The following KANSL3 variants were observed in gnomAD, a reference collection of about 807,000 sequenced individuals.
The protein encoded by KANSL3 is KAT8 regulatory NSL complex subunit 3.
Under a neutral mutation model 89.2 loss-of-function variants are expected in KANSL3, and 16 were observed. The ratio of observed to expected loss-of-function variants is 0.18; its 90% CI spans 0.12 to 0.27. The LOEUF is 0.27. Ranked by LOEUF, KANSL3 falls within the 10% of genes least tolerant of loss-of-function variation. The pLI, the probability that KANSL3 is intolerant of heterozygous loss-of-function variation, is 1.00. For missense variants in KANSL3, 879 were observed against 1,110.6 expected (o/e 0.79, Z 2.96); for synonymous variants, 385 against 419.7 (o/e 0.92, Z 1.01).
downstream of KANSL3, among the ~76,000 whole-genome samples, chr2:96,589,752 A>G (rs2066260744): frequency 6.6e-6 from 1 of 152,156 alleles, no homozygotes; most frequent in Non-Finnish European, 1.5e-5. Flanking sequence ...TTAAGCACCC[A>G]CAGAATACAT....
rs188281375 is a variant in KANSL3, at chr2:96,622,949, G to C, written c.387-3187C>G. Among the ~76,000 whole-genome samples, 4 of 152,232 alleles carry C rather than the reference G, an allele frequency of 2.6e-5. No homozygotes were observed. The East Asian group carries it at 7.7e-4, about 29-fold the overall frequency. On this transcript the variant is annotated intron_variant, in intron 3 of 20. Coordinates refer to ENST00000431828, the MANE Select transcript of KANSL3 (RefSeq NM_001115016.3). ...CTCTGACCTATCCCTATTTAACACT[G>C]TAACCCTCCAGTCTTACCCTAGGAT...
chr2:96,581,221 C>G, the KANSL3 span, among the ~76,000 whole-genome samples: 1 of 152,182 alleles, frequency 6.6e-6, no homozygotes, highest in Non-Finnish European at 1.5e-5. Flanking sequence ...GTAAGGAGCT[C>G]GAGACCAGCC....
chr2:96,617,575 T>C (rs1230045344), intron 5 of KANSL3, among the ~76,000 whole-genome samples: 1 of 137,490 alleles, frequency 7.3e-6, no homozygotes, highest in Non-Finnish European at 1.6e-5. Flanking sequence ...AAAAAAAAAG[T>C]GTCAAAAACT....
At chr2:96,584,688 G>A in the KANSL3 span, among the ~76,000 whole-genome samples, 2 of 152,190 alleles carry the variant, frequency 1.3e-5, no homozygotes, top group Admixed American at 6.5e-5. Context: ...CCATGTTGCT[G>A]CAAATGACAG....
chr2:96,588,639 G>A (rs1410692900), downstream of KANSL3, among the ~76,000 whole-genome samples: 4 of 152,114 alleles, frequency 2.6e-5, no homozygotes, highest in Admixed American at 2.6e-4. Flanking sequence ...CACCCAGGCT[G>A]AAGTACAGTG....
At chr2:96,612,406 G>T (rs2069170973) in intron 8 of KANSL3, 53 bp from the exon 9 acceptor site, 1 of 1,603,786 alleles carries the variant, frequency 6.2e-7, no homozygotes, top group Non-Finnish European at 8.5e-7. Context: ...GATAGGTGCA[G>T]AACAACCCCA....
At chr2:96,626,384 C>T (rs1345790933) in intron 3 of KANSL3, among the ~76,000 whole-genome samples, 3 of 150,190 alleles carry the variant, frequency 2.0e-5, no homozygotes, top group South Asian at 2.1e-4. Context: ...GAAGGAGGGA[C>T]GATAACTCAA....
intron 5 of KANSL3, among the ~76,000 whole-genome samples, chr2:96,616,659 G>C (rs1349927187): frequency 3.9e-5 from 6 of 152,208 alleles, no homozygotes; most frequent in Non-Finnish European, 8.8e-5. Flanking sequence ...GAAAATAAGA[G>C]TCCGATGGCA....
intron 17 of KANSL3, chr2:96,603,964 A>T: frequency 3.7e-6 from 1 of 267,972 alleles, no homozygotes; most frequent in Non-Finnish European, 7.0e-6. Context: ...CTGACTATAC[A>T]TATATGTCCT....
downstream of KANSL3, among the ~76,000 whole-genome samples, chr2:96,588,455 G>A (rs79294464): frequency 1.7e-4 from 26 of 152,196 alleles, no homozygotes; most frequent in East Asian, 5.0e-3. Flanking sequence ...ATGTGTTGCC[G>A]CTGACAACAA....
chr2:96,595,465 G>T lies in KANSL3; in HGVS notation c.*146C>A. On this transcript the variant is annotated 3_prime_UTR_variant, in exon 21 of 21. Coordinates refer to ENST00000431828, the MANE Select transcript of KANSL3 (RefSeq NM_001115016.3). Reference sequence around the variant, plus strand: ...TATCACCTAACCTAATGGTTTCTCTGAAGACAGTTGGCGGAGAGGCAAAAA... The same window carrying T: ...TATCACCTAACCTAATGGTTTCTCTTAAGACAGTTGGCGGAGAGGCAAAAA... 1.4e-6 allele frequency: 1 copy of T among 703,194 alleles called. No individual in the cohort carries two copies. The highest frequency in any genetic ancestry group is 2.4e-6 in the Non-Finnish European group (1 of 422,204). 43.6% of individuals were successfully genotyped at this position (703,194 alleles called of 1,614,324 possible).
the KANSL3 span, among the ~76,000 whole-genome samples, chr2:96,587,175 G>C: frequency 6.6e-6 from 1 of 152,260 alleles, no homozygotes; most frequent in East Asian, 1.9e-4. Flanking sequence ...CCCAATGAGT[G>C]GTAATAAAGC....
At chr2:96,600,763 A>G in intron 20 of KANSL3, 4 of 985,474 alleles carry the variant, frequency 4.1e-6, no homozygotes, top group Non-Finnish European at 4.8e-6. Flanking sequence ...GGGAAATTAG[A>G]TCAGCTAAGA....
At chr2:96,618,428 G>A (rs560929226) in intron 5 of KANSL3, among the ~76,000 whole-genome samples, 4 of 152,298 alleles carry the variant, frequency 2.6e-5, no homozygotes, top group South Asian at 2.1e-4. Flanking sequence ...GAGCTAAAGC[G>A]ATCCTCCTGC....
chr2:96,605,359 C>T lies in KANSL3; in HGVS notation c.1894G>A (p.Gly632Arg), dbSNP rs2067819663. 3 of 1,613,570 alleles carry T rather than the reference C, an allele frequency of 1.9e-6. No homozygotes were observed. Among genetic ancestry groups the T allele is most frequent in the African/African-American group, 1.3e-5 (1 of 75,050 alleles). The change falls in exon 15 of 21, where the codon GGA becomes AGA. Residue 632 changes from glycine (G) to arginine (R), a missense_variant. Around this residue, in one of 6 missense-constraint regions of KANSL3, gnomAD observed 317 missense variants for 311.2 expected, o/e 1.02. Coordinates refer to ENST00000431828, the MANE Select transcript of KANSL3 (RefSeq NM_001115016.3). ...VSLISQGDTA[G>R]GPCAPSQGSA... Reference sequence around the variant, plus strand: ...CCTTGGGAAGGAGCACAAGGCCCTCCAGCTGTGTCCCCTTGGGAGATAAGG... The same window carrying T: ...CCTTGGGAAGGAGCACAAGGCCCTCTAGCTGTGTCCCCTTGGGAGATAAGG...
chr2:96,622,409 CAAA>C (rs781666671), intron 3 of KANSL3, among the ~76,000 whole-genome samples: 3 of 108,162 alleles, frequency 2.8e-5, no homozygotes. Context: ...GACCTCGTCT[CAAA>C]AAAAAAAAAA....
In KANSL3 at chr2:96,604,766, A is replaced by C. The variant is rs755912423; in HGVS notation, c.2018+13T>G. On this transcript the variant is annotated intron_variant, in intron 16 of 20. Coordinates refer to ENST00000431828, the MANE Select transcript of KANSL3 (RefSeq NM_001115016.3). The stretch of plus-strand genomic sequence containing the variant: ...AAAAAGGAATAGACACAGATGGTCC[A>C]ATAAACACTCACTTGGCTGTGGTGA... 1.9e-6 allele frequency: 3 copies of C among 1,580,298 alleles called. No individual in the cohort carries two copies. The highest frequency in any genetic ancestry group is 2.6e-6 in the Non-Finnish European group (3 of 1,161,702).
At chr2:96,603,970 G>T (rs770459081) in intron 17 of KANSL3, 21 of 288,802 alleles carry the variant, frequency 7.3e-5, no homozygotes, top group Non-Finnish European at 1.1e-4. Context: ...ATACATATAT[G>T]TCCTATCGGC....
chr2:96,619,880 A>G, intron 3 of KANSL3, 118 bp from the exon 4 acceptor site: 1 of 800,004 alleles, frequency 1.2e-6, no homozygotes, highest in Non-Finnish European at 2.0e-6. Context: ...CAGTAAAACG[A>G]AGTAGCTTAG....
Sources: allele counts gnomAD v4.1 joint callset (sites outside exome capture counted in the v4.1 genomes callset), GRCh38; gene constraint gnomAD v4.1.1; regional missense constraint gnomAD v4.1.1; transcripts MANE v1.5; gene names NCBI Gene and HGNC (gene_info 2026-07-23, HGNC 2026-07-21).